PDGFD: variants seen among roughly 807,000 people sequenced by gnomAD.
PDGFD encodes platelet derived growth factor D.
Under a neutral mutation model 44.7 loss-of-function variants are expected in PDGFD, and 30 were observed. The observed-to-expected ratio is 0.67, with a 90% CI of 0.50 to 0.91. The LOEUF is 0.91. Among genes scored for constraint, PDGFD ranks in the 40% least tolerant of loss-of-function variants. PDGFD has a pLI of 0.00. For synonymous variants in PDGFD, 173 were observed against 168.4 expected, an observed-to-expected ratio of 1.03 and a Z score of -0.21; for missense variants, 445 against 457.8, an observed-to-expected ratio of 0.97 and a Z score of 0.25.
chr11:103,951,445 A>G (rs1858755586), intron 3 of PDGFD, among the ~76,000 whole-genome samples: 1 of 152,124 alleles, frequency 6.6e-6, no homozygotes, highest in South Asian at 2.1e-4. Context: ...TTTAATGGTA[A>G]ATCAAATCAC....
At chr11:104,026,491 T>C (rs1860043659) in intron 1 of PDGFD, among the ~76,000 whole-genome samples, 1 of 152,204 alleles carries the variant, frequency 6.6e-6, no homozygotes, top group Admixed American at 6.5e-5. Context: ...CAAAAAACAT[T>C]TTTTAAACCA....
chr11:103,955,775 T>C (rs1858833768), intron 3 of PDGFD, among the ~76,000 whole-genome samples: 2 of 152,102 alleles, frequency 1.3e-5, no homozygotes, highest in African/African-American at 4.8e-5. Context: ...CTTTCTGTTA[T>C]AGTAAAAATA....
chr11:103,922,612 T>G (rs1858242796), intron 6 of PDGFD, among the ~76,000 whole-genome samples: 1 of 152,182 alleles, frequency 6.6e-6, no homozygotes, highest in African/African-American at 2.4e-5. Context: ...TGCAGTTGCA[T>G]GATCATGTTC....
intron 1 of PDGFD, among the ~76,000 whole-genome samples, chr11:104,096,763 G>A (rs1185109312): frequency 6.6e-6 from 1 of 152,244 alleles, no homozygotes; most frequent in East Asian, 1.9e-4. Flanking sequence ...ACTGTATAAA[G>A]GACTGGTGTA....
chr11:104,017,147 C>T (rs1191143548), intron 1 of PDGFD, among the ~76,000 whole-genome samples: 1 of 152,074 alleles, frequency 6.6e-6, no homozygotes, highest in Non-Finnish European at 1.5e-5. Context: ...AGAGAAGGTG[C>T]CATCTATACA....
intron 6 of PDGFD, among the ~76,000 whole-genome samples, chr11:103,923,831 T>C (rs1858262636): frequency 6.6e-6 from 1 of 152,222 alleles, no homozygotes; most frequent in African/African-American, 2.4e-5. Flanking sequence ...CATCCAGCAC[T>C]TGACAGAGTG....
intron 1 of PDGFD, among the ~76,000 whole-genome samples, chr11:104,019,275 C>T (rs1387770103): frequency 1.3e-5 from 2 of 152,152 alleles, no homozygotes; most frequent in South Asian, 2.1e-4. Flanking sequence ...AATAAATGTT[C>T]GCTGAATAAA....
chr11:104,071,951 T>A (rs1860884443), intron 1 of PDGFD, among the ~76,000 whole-genome samples: 1 of 151,882 alleles, frequency 6.6e-6, no homozygotes, highest in Admixed American at 6.6e-5. Flanking sequence ...ATTTATATAT[T>A]CATGTGTCTG....
intron 1 of PDGFD, among the ~76,000 whole-genome samples, chr11:104,026,048 G>A (rs890223291): frequency 2.6e-5 from 4 of 152,154 alleles, no homozygotes; most frequent in Non-Finnish European, 5.9e-5. Flanking sequence ...TGTTCCTGCC[G>A]CTCCTGCCAT....
intron 1 of PDGFD, among the ~76,000 whole-genome samples, chr11:104,083,712 A>C (rs1426062561): frequency 6.6e-6 from 1 of 152,228 alleles, no homozygotes; most frequent in Admixed American, 6.5e-5. Context: ...GACTTCTAGC[A>C]GAACACTGAT....
At chr11:103,921,654 A>G (rs1591077074) in intron 6 of PDGFD, among the ~76,000 whole-genome samples, 1 of 152,024 alleles carries the variant, frequency 6.6e-6, no homozygotes, top group East Asian at 1.9e-4. Flanking sequence ...AATCTGTACC[A>G]ATTTATTAAT....
Position 104,036,786 on chromosome 11 carries a change from A to G in PDGFD, c.125-36531T>C, listed in dbSNP as rs756125913. 19 of 1,553,776 alleles carry G rather than the reference A, an allele frequency of 1.2e-5. No individual in the cohort carries two copies. The South Asian group carries it at 2.2e-4, about 18-fold the overall frequency. ...GCCCCAGCCCGCCAGTGAGCCGCCC[A>G]TGCCCTCTGCTAGCCCGGCCCGCCC... On this transcript the variant is annotated intron_variant, in intron 1 of 6. Coordinates refer to ENST00000393158, the MANE Select transcript of PDGFD (RefSeq NM_025208.5).
chr11:104,091,544 T>C (rs1591159233), intron 1 of PDGFD, among the ~76,000 whole-genome samples: 1 of 152,196 alleles, frequency 6.6e-6, no homozygotes, highest in South Asian at 2.1e-4. Flanking sequence ...TTCTTAGATA[T>C]GGCACTGAGT....
At chr11:104,102,367 A>G (rs1356507153) in intron 1 of PDGFD, among the ~76,000 whole-genome samples, 3 of 152,202 alleles carry the variant, frequency 2.0e-5, no homozygotes, top group East Asian at 1.9e-4. Context: ...GCAAATCAAA[A>G]CCACAATGAG....
In PDGFD at chr11:104,163,882, A is replaced by T; in HGVS notation, c.46T>A (p.Cys16Ser). 6.3e-7 allele frequency: 1 copy of T among 1,577,684 alleles called. No homozygotes were observed. The highest frequency in any genetic ancestry group is 8.7e-7 in the Non-Finnish European group (1 of 1,153,240). Reference protein sequence around the residue: ...FVYTLICANFCSCRDTSATPQ... With the variant: ...FVYTLICANFSSCRDTSATPQ... ...GTTGCAGAAGTGTCCCGACAGCTGC[A>T]AAAGTTTGCGCAGATTAGAGTGTAG... is the stretch of plus-strand genomic sequence containing the variant. Residue 16 changes from cysteine (C) to serine (S), a missense_variant, in exon 1 of 7, where the codon TGC becomes AGC. Transcript: ENST00000393158.
intron 1 of PDGFD, among the ~76,000 whole-genome samples, chr11:104,025,652 C>T (rs1216331621): frequency 1.3e-5 from 2 of 152,134 alleles, no homozygotes; most frequent in Non-Finnish European, 2.9e-5. Flanking sequence ...ACTGAGGTGG[C>T]CTAAGCAAAT....
intron 1 of PDGFD, among the ~76,000 whole-genome samples, chr11:104,112,875 T>C (rs1693338148): frequency 6.6e-6 from 1 of 151,748 alleles, no homozygotes; most frequent in Admixed American, 6.6e-5. Flanking sequence ...TTTCTGAGGG[T>C]AGAGGGTGGA....
chr11:104,002,491 A>G (rs1859635234), intron 1 of PDGFD, among the ~76,000 whole-genome samples: 1 of 152,134 alleles, frequency 6.6e-6, no homozygotes, highest in African/African-American at 2.4e-5. Context: ...TATGATTGTA[A>G]GTTTCCCAAG....
intron 1 of PDGFD, among the ~76,000 whole-genome samples, chr11:104,116,656 T>C (rs1025296874): frequency 6.6e-6 from 1 of 152,030 alleles, no homozygotes; most frequent in Admixed American, 6.6e-5. Context: ...GTTAACTAAA[T>C]CAGACAACAC....
Sources: gnomAD v4.1 joint callset for allele counts (sites outside exome capture counted in the v4.1 genomes callset) on GRCh38, gnomAD v4.1.1 for gene constraint, MANE v1.5 for transcripts, NCBI Gene and HGNC (gene_info 2026-07-23, HGNC 2026-07-21) for gene names.